The following SATB2 variants were observed in gnomAD, a reference collection of about 807,000 sequenced individuals.
SATB2 encodes the protein DNA-binding protein SATB2.
In SATB2, 1 loss-of-function variant was observed where a neutral mutation model predicts 73.4. The ratio of observed to expected loss-of-function variants is 0.01; its 90% CI spans 0.00 to 0.06. The LOEUF is 0.06. Ranked by LOEUF, SATB2 falls within the 10% of genes least tolerant of loss-of-function variation. The pLI is 1.00. For missense variants in SATB2, 459 were observed against 945.8 expected, an observed-to-expected ratio of 0.49 and a Z score of 6.75; for synonymous variants, 397 against 367.0, an observed-to-expected ratio of 1.08 and a Z score of -0.93.
At chr2:199,461,987 G>A (rs1032391319), upstream of SATB2, among the ~76,000 whole-genome samples, 13 of 152,196 alleles carry the variant, frequency 8.5e-5, no homozygotes, top group Non-Finnish European at 1.9e-4. Context: ...TGGGTGGAGG[G>A]TGCAGGGTGC....
intron 9 of SATB2, among the ~76,000 whole-genome samples, chr2:199,321,043 A>G (rs1442247318): frequency 1.3e-5 from 2 of 150,898 alleles, no homozygotes; most frequent in Non-Finnish European, 2.9e-5. Flanking sequence ...TTGGCTCTTC[A>G]GTCACTGCAA....
chr2:199,456,764 G>A (rs1339027400), intron 1 of SATB2, among the ~76,000 whole-genome samples: 1 of 152,172 alleles, frequency 6.6e-6, no homozygotes, highest in Non-Finnish European at 1.5e-5. Flanking sequence ...TATTATTTTG[G>A]AGCGTTCTTA....
intron 3 of SATB2, among the ~76,000 whole-genome samples, chr2:199,409,659 G>GTT (rs879885170): frequency 1.6e-5 from 2 of 123,770 alleles, no homozygotes; most frequent in African/African-American, 5.6e-5. Context: ...AGTTTTTTTT[G>GTT]TTTTTTTTTG....
chr2:199,293,665 A>AC (rs1692939933), intron 10 of SATB2, among the ~76,000 whole-genome samples: 1 of 152,144 alleles, frequency 6.6e-6, no homozygotes, highest in Admixed American at 6.5e-5. Flanking sequence ...ATATGCTATT[A>AC]CCCATGATAT....
chr2:199,418,531 G>A (rs1691067162), intron 3 of SATB2, among the ~76,000 whole-genome samples: 1 of 151,958 alleles, frequency 6.6e-6, no homozygotes, highest in Admixed American at 6.6e-5. Flanking sequence ...CATTTTATTA[G>A]TTTATTAGTT....
intron 10 of SATB2, among the ~76,000 whole-genome samples, chr2:199,293,351 A>G (rs1437619423): frequency 3.3e-5 from 5 of 152,122 alleles, no homozygotes. Flanking sequence ...AATCTCCATG[A>G]AAATTTGGTT....
chr2:199,468,972 G>A (rs996619534), upstream of SATB2: 3 of 152,354 alleles, frequency 2.0e-5, no homozygotes, highest in African/African-American at 7.2e-5. Flanking sequence ...GACCGTGCGG[G>A]ACAGGGCCGG....
chr2:199,378,695 G>T (rs1689675582), intron 5 of SATB2, among the ~76,000 whole-genome samples: 1 of 152,110 alleles, frequency 6.6e-6, no homozygotes, highest in Non-Finnish European at 1.5e-5. Flanking sequence ...CACACATTCA[G>T]TTCACATCAT....
chr2:199,407,705 C>T (rs946683221), intron 3 of SATB2, among the ~76,000 whole-genome samples: 3 of 152,032 alleles, frequency 2.0e-5, no homozygotes, highest in Non-Finnish European at 4.4e-5. Flanking sequence ...ACTGGAAATG[C>T]TAGAACAATG....
chr2:199,302,454 A>C (rs558377154), intron 10 of SATB2, among the ~76,000 whole-genome samples: 2 of 152,322 alleles, frequency 1.3e-5, no homozygotes, highest in East Asian at 3.9e-4. Context: ...CATAATATCA[A>C]CATGAAAAAT....
At chr2:199,434,499 CAGA>C (rs948584570) in intron 2 of SATB2, among the ~76,000 whole-genome samples, 8 of 152,118 alleles carry the variant, frequency 5.3e-5, no homozygotes, top group Admixed American at 2.6e-4. Flanking sequence ...ATAACCAAGG[CAGA>C]AGAAGATCAA....
upstream of SATB2, chr2:199,458,871 C>CCG (rs1692389370): frequency 6.7e-6 from 2 of 299,422 alleles, no homozygotes; most frequent in Non-Finnish European, 1.3e-5. Context: ...CTTCGTGCCG[C>CCG]CGCGCGCGCA....
intron 3 of SATB2, among the ~76,000 whole-genome samples, chr2:199,411,803 G>T (rs1402245985): frequency 6.6e-6 from 1 of 152,202 alleles, no homozygotes; most frequent in East Asian, 1.9e-4. Context: ...AACCCACTGT[G>T]TTAACAACTG....
intron 3 of SATB2, among the ~76,000 whole-genome samples, chr2:199,426,703 A>AG (rs1437071830): frequency 7.4e-6 from 1 of 135,828 alleles, no homozygotes; most frequent in Non-Finnish European, 1.6e-5. Context: ...AAAAAAAAAA[A>AG]AAAAAAAAGA....
chr2:199,468,338 T>C (rs910894669), upstream of SATB2: 2 of 152,124 alleles, frequency 1.3e-5, no homozygotes, highest in African/African-American at 4.8e-5. Context: ...TCCCTCTTTA[T>C]TTCTATTGAA....
chr2:199,348,216 G>T (rs974103960), intron 7 of SATB2: 4 of 151,898 alleles, frequency 2.6e-5, no homozygotes, highest in African/African-American at 7.3e-5. Context: ...ATGTTTTGAA[G>T]GATTTTTATA....
At chr2:199,401,370 A>T (rs577421627) in intron 3 of SATB2, among the ~76,000 whole-genome samples, 2 of 151,824 alleles carry the variant, frequency 1.3e-5, no homozygotes, top group South Asian at 4.2e-4. Context: ...ACATGGTGAA[A>T]CCCAGTGTCT....
chr2:199,297,839 C>A (rs1310206581), intron 10 of SATB2, among the ~76,000 whole-genome samples: 2 of 151,610 alleles, frequency 1.3e-5, no homozygotes, highest in African/African-American at 4.8e-5. Flanking sequence ...TTTGTCATAC[C>A]CAATGGCATT....
chr2:199,343,295 T>C (rs1048862865), intron 7 of SATB2, among the ~76,000 whole-genome samples: 2 of 152,206 alleles, frequency 1.3e-5, no homozygotes, highest in Admixed American at 1.3e-4. Flanking sequence ...AAAATGCTTT[T>C]TATTGAATTT....
Sources: allele counts gnomAD v4.1 joint callset (sites outside exome capture counted in the v4.1 genomes callset), GRCh38; gene constraint gnomAD v4.1.1; transcripts MANE v1.5; gene names NCBI Gene and HGNC (gene_info 2026-07-23, HGNC 2026-07-21).